Variants in SPAG16 observed in about 807,000 individuals in gnomAD.
SPAG16 encodes the protein sperm-associated antigen 16 protein.
Under a neutral mutation model 80.4 loss-of-function variants are expected in SPAG16, and 86 were observed. The ratio of observed to expected loss-of-function variants is 1.07; its 90% CI spans 0.90 to 1.28. SPAG16 has a LOEUF of 1.28. SPAG16 is among the 50% of genes most tolerant of loss of function. The probability of loss-of-function intolerance (pLI) is 0.00; values close to 1 mark genes in which losing one functional copy is unlikely to be tolerated. For missense variants in SPAG16, 870 were observed against 765.3 expected (o/e 1.14, Z -1.61); for synonymous variants, 294 against 265.9 (o/e 1.11, Z -1.03).
intron 15 of SPAG16, among the ~76,000 whole-genome samples, chr2:214,273,105 T>G (rs1169776535): frequency 6.6e-6 from 1 of 152,252 alleles, no homozygotes; most frequent in Non-Finnish European, 1.5e-5. Context: ...GAGAAGTGTT[T>G]GTTCATATCC....
chr2:213,740,257 A>ATC (rs2067484094), intron 10 of SPAG16, among the ~76,000 whole-genome samples: 1 of 152,206 alleles, frequency 6.6e-6, no homozygotes. Context: ...AATCAATATA[A>ATC]TCTCTATTCT....
chr2:213,810,349 G>A (rs1249954095), intron 10 of SPAG16, among the ~76,000 whole-genome samples: 2 of 152,132 alleles, frequency 1.3e-5, no homozygotes, highest in Non-Finnish European at 2.9e-5. Context: ...GAAAGAAAGA[G>A]TATGAGGTCT....
chr2:213,839,048 A>G (rs569056422), intron 10 of SPAG16, among the ~76,000 whole-genome samples: 8 of 152,370 alleles, frequency 5.3e-5, no homozygotes, highest in Non-Finnish European at 8.8e-5. Context: ...TGTCATAGAA[A>G]AAAATAAAGG....
At chr2:213,667,911 G>C (rs1012415131) in intron 10 of SPAG16, among the ~76,000 whole-genome samples, 1 of 150,772 alleles carries the variant, frequency 6.6e-6, no homozygotes, top group Non-Finnish European at 1.5e-5. Flanking sequence ...TTATAAACGA[G>C]TGTATTTGAA....
rs76632426 is a variant in SPAG16 at position 214,209,923 on chromosome 2, C to T, written c.1720+60657C>T. Among the ~76,000 whole-genome samples the T allele has an allele frequency of 9.4e-3, 1,423 of 152,178 alleles. 22 individuals are homozygous for T. Among genetic ancestry groups the T allele is most frequent in the African/African-American group, 0.032 (1,328 of 41,508 alleles). On this transcript the variant is annotated intron_variant, in intron 15 of 15. Transcript: ENST00000331683. ...TCCTAAGGCCATCTACAGTGTTTGT[C>T]ATATGACCTTTTACCAGCCCTACTC...
At chr2:214,068,646 G>A (rs2050641587) in intron 13 of SPAG16, among the ~76,000 whole-genome samples, 1 of 152,212 alleles carries the variant, frequency 6.6e-6, no homozygotes, top group South Asian at 2.1e-4. Flanking sequence ...TGCAAATGAA[G>A]TAAATAATTA....
At chr2:213,337,691 A>T (rs1215863549) in intron 5 of SPAG16, among the ~76,000 whole-genome samples, 1 of 152,124 alleles carries the variant, frequency 6.6e-6, no homozygotes, top group African/African-American at 2.4e-5. Flanking sequence ...AATGAAAAGG[A>T]ATGAAAAAAA....
intron 10 of SPAG16, among the ~76,000 whole-genome samples, chr2:213,731,436 A>T (rs1169880308): frequency 1.3e-5 from 2 of 149,728 alleles, no homozygotes; most frequent in African/African-American, 4.9e-5. Context: ...CTGGGATTAC[A>T]GGCGTGAGCC....
intron 10 of SPAG16, among the ~76,000 whole-genome samples, chr2:213,493,035 G>T (rs1172401417): frequency 6.6e-6 from 1 of 152,106 alleles, no homozygotes; most frequent in African/African-American, 2.4e-5. Flanking sequence ...ATTTGTGTCA[G>T]ATCTGGTTAA....
At chr2:214,002,826 A>C (rs965940798) in intron 12 of SPAG16, among the ~76,000 whole-genome samples, 1 of 152,198 alleles carries the variant, frequency 6.6e-6, no homozygotes, top group African/African-American at 2.4e-5. Flanking sequence ...GGCGAGGGAC[A>C]TCTCCTTTAC....
intron 10 of SPAG16, among the ~76,000 whole-genome samples, chr2:213,552,366 A>G (rs762016184): frequency 4.6e-5 from 7 of 152,144 alleles, no homozygotes; most frequent in South Asian, 4.1e-4. Flanking sequence ...CTGCTTCTTC[A>G]TGCTATGGAC....
chr2:213,351,594 T>C (rs1378834461), intron 7 of SPAG16, among the ~76,000 whole-genome samples: 1 of 152,194 alleles, frequency 6.6e-6, no homozygotes, highest in African/African-American at 2.4e-5. Context: ...TTAGAATATA[T>C]AAAACTGCAA....
intron 15 of SPAG16, among the ~76,000 whole-genome samples, chr2:214,254,770 A>T (rs1161088909): frequency 7.9e-6 from 1 of 126,600 alleles, no homozygotes; most frequent in Non-Finnish European, 1.7e-5. Context: ...GGCTAGGAGT[A>T]AAAGATATAT....
At chr2:213,377,903 ATTT>A (rs200597218) in intron 9 of SPAG16, among the ~76,000 whole-genome samples, 317 of 20,718 alleles carry the variant, frequency 0.015, 1 homozygote, top group African/African-American at 0.053. Flanking sequence ...ATATATATAT[ATTT>A]TTTTTTTTTT....
At chr2:213,609,057 CT>C (rs1223453967) in intron 10 of SPAG16, among the ~76,000 whole-genome samples, 1 of 152,154 alleles carries the variant, frequency 6.6e-6, no homozygotes, top group Non-Finnish European at 1.5e-5. Flanking sequence ...TAAAAGATCT[CT>C]ATAAAAATTA....
chr2:213,742,607 C>T (rs1412220066), intron 10 of SPAG16, among the ~76,000 whole-genome samples: 2 of 140,062 alleles, frequency 1.4e-5, no homozygotes, highest in African/African-American at 2.7e-5. Flanking sequence ...GGCTGGAGTG[C>T]GTGGCGCAAT....
chr2:214,155,119 G>A (rs544459612), intron 15 of SPAG16, among the ~76,000 whole-genome samples: 48 of 152,194 alleles, frequency 3.2e-4, no homozygotes, highest in Middle Eastern at 3.4e-3. Flanking sequence ...GCAGGGCAGG[G>A]TACAGGAGAG....
At chr2:214,361,515 G>A (rs181526914) in intron 15 of SPAG16, among the ~76,000 whole-genome samples, 2 of 151,908 alleles carry the variant, frequency 1.3e-5, no homozygotes, top group East Asian at 1.9e-4. Context: ...CCTAACCTTA[G>A]TTCTCCCTGC....
intron 11 of SPAG16, among the ~76,000 whole-genome samples, chr2:213,882,511 A>T (rs775128630): frequency 6.6e-6 from 1 of 152,072 alleles, no homozygotes; most frequent in South Asian, 2.1e-4. Context: ...CAGGATTTTA[A>T]TCTGTTCCTG....
Sources: gnomAD v4.1 joint callset for allele counts (sites outside exome capture counted in the v4.1 genomes callset) on GRCh38, gnomAD v4.1.1 for gene constraint, MANE v1.5 for transcripts, NCBI Gene and HGNC (gene_info 2026-07-23, HGNC 2026-07-21) for gene names.